CCDC134: variants seen among roughly 807,000 people sequenced by gnomAD.
The protein encoded by CCDC134 is coiled-coil domain-containing protein 134.
A neutral mutation model predicts 25.6 loss-of-function variants in CCDC134; 27 were observed. The ratio of observed to expected loss-of-function variants is 1.05; its 90% CI spans 0.78 to 1.45. The LOEUF (loss-of-function observed/expected upper bound fraction) is 1.45. CCDC134 is among the 40% of genes most tolerant of loss of function. The pLI, the probability that CCDC134 is intolerant of heterozygous loss-of-function variation, is 0.00. For synonymous variants in CCDC134, 110 were observed against 115.0 expected (o/e 0.96, Z 0.28); for missense variants, 261 against 286.7 (o/e 0.91, Z 0.65).
chr22:41,801,547 C>A (rs557200282), intron 1 of CCDC134, among the ~76,000 whole-genome samples: 1 of 152,250 alleles, frequency 6.6e-6, no homozygotes, highest in African/African-American at 2.4e-5. Context: ...GCCTTGATTT[C>A]ACATTGGTAA....
intron 6 of CCDC134, among the ~76,000 whole-genome samples, chr22:41,818,657 C>T (rs911078420): frequency 3.3e-5 from 5 of 152,170 alleles, no homozygotes; most frequent in African/African-American, 7.2e-5. Context: ...GTGGCAGAGT[C>T]GGGGATGCTG....
At position 41,813,289 on chromosome 22, in the gene CCDC134, G is replaced by A; in HGVS notation, c.336G>A (p.Thr112=). The change falls in exon 5 of 7, where the codon ACG becomes ACA. Residue 112 remains threonine, a synonymous_variant. Transcript: ENST00000255784. ...KDAFSHVVEN[T]AFFGDVVLRF... is the part of the protein sequence containing the mutation. Reference sequence around the variant, plus strand: ...CTTTCTCCCACGTGGTGGAGAACACGGCCTTCTTCGGCGATGTGGTGCTGC... The same window carrying A: ...CTTTCTCCCACGTGGTGGAGAACACAGCCTTCTTCGGCGATGTGGTGCTGC... The A allele has an allele frequency of 1.9e-6, 3 of 1,614,212 alleles. No homozygotes were observed. Among genetic ancestry groups the A allele is most frequent in the East Asian group, 2.2e-5 (1 of 44,878 alleles).
At chr22:41,802,943 TAAATA>T (rs1302792743) in intron 1 of CCDC134, among the ~76,000 whole-genome samples, 7 of 149,412 alleles carry the variant, frequency 4.7e-5, no homozygotes, top group Non-Finnish European at 7.4e-5. Flanking sequence ...AAATAAAAAA[TAAATA>T]AAATAAAATA....
At position 41,825,549 on chromosome 22, in the gene CCDC134, G is replaced by A. The variant is rs755917390; in HGVS notation, c.565-149G>A. 5.9e-6 allele frequency: 6 copies of A among 1,010,300 alleles called. No homozygotes were observed. The highest frequency in any genetic ancestry group is 8.7e-6 in the Non-Finnish European group (6 of 692,660). The allele number at this position is 1,010,300 out of a possible 1,614,324, so 62.6% of individuals were successfully genotyped here. A position where few individuals can be genotyped will look rare whatever the true frequency, so the allele number is the denominator to read the frequency against. On this transcript the variant is annotated intron_variant, in intron 6 of 6. Transcript: ENST00000255784. The surrounding 1 kb of genome is among the most constrained non-coding windows in gnomAD (Gnocchi z 4.4). ...CTTATCTTCCAACACCCACTCAGCA[G>A]TTCTCCCAAACCCATTTCCTGTCTC...
rs1260938471 is a variant in CCDC134, at chr22:41,809,873, G to A, written c.104-6G>A. 1.2e-6 allele frequency: 2 copies of A among 1,614,052 alleles called. No individual in the cohort carries two copies. The highest frequency in any genetic ancestry group is 1.3e-5 in the African/African-American group (1 of 74,918). On this transcript the variant is annotated splice_region_variant and splice_polypyrimidine_tract_variant and intron_variant, in intron 2 of 6. Coordinates refer to ENST00000255784, the MANE Select transcript of CCDC134 (RefSeq NM_024821.5). ...GATGCCAGCCCCTTAACTTAATTCT[G>A]CCCAGACAAGAAGATGTTTGAGGTG...
rs1210976284 is a variant in CCDC134, at chr22:41,825,194, G to GGA, written c.565-496_565-495dup. Among the ~76,000 whole-genome samples, 1 of 152,050 alleles carries GGA rather than the reference G, an allele frequency of 6.6e-6. No individual in the cohort carries two copies. Among genetic ancestry groups the GGA allele is most frequent in the Non-Finnish European group, 1.5e-5 (1 of 67,988 alleles). ...AGCTATGAGTTAGACGAGACAATCTGGAGAGAGAGGAGGGAGGACAGCCAA... is the reference window on the plus strand; with the variant it reads ...AGCTATGAGTTAGACGAGACAATCTGGAGAGAGAGAGGAGGGAGGACAGCCAA... On this transcript the variant is annotated intron_variant, in intron 6 of 6. Transcript: ENST00000255784. This position sits in a 1 kb window ranked among gnomAD's most constrained non-coding sequence, Gnocchi z 4.4.
chr22:41,801,559 A>G (rs1602231246), intron 1 of CCDC134, among the ~76,000 whole-genome samples: 1 of 152,082 alleles, frequency 6.6e-6, no homozygotes, highest in Admixed American at 6.6e-5. Context: ...CATTGGTAAC[A>G]TTGGGGAGTT....
At chr22:41,813,584 A>G (rs1270467428) in intron 5 of CCDC134, 139 bp downstream of exon 5, 7 of 1,221,516 alleles carry the variant, frequency 5.7e-6, no homozygotes, top group African/African-American at 1.5e-5. Flanking sequence ...CTTGGGCCAC[A>G]GAGGCCCCAT....
intron 1 of CCDC134, among the ~76,000 whole-genome samples, chr22:41,805,100 T>C (rs1385098211): frequency 6.6e-6 from 1 of 151,982 alleles, no homozygotes; most frequent in African/African-American, 2.4e-5. Flanking sequence ...GAGCAAAGTC[T>C]TACTGGACTT....
intron 6 of CCDC134, among the ~76,000 whole-genome samples, chr22:41,816,312 G>T (rs1569356820): frequency 6.6e-6 from 1 of 152,258 alleles, no homozygotes; most frequent in Admixed American, 6.5e-5. Flanking sequence ...AGGCTACTCA[G>T]ACATCAGGAA....
intron 2 of CCDC134, among the ~76,000 whole-genome samples, chr22:41,809,664 C>T (rs886239124): frequency 1.3e-5 from 2 of 152,152 alleles, no homozygotes; most frequent in Admixed American, 1.3e-4. Flanking sequence ...GGCTTGGTTT[C>T]AGGCTTCTGG....
At chr22:41,815,532 A>G (rs966874652) in intron 6 of CCDC134, among the ~76,000 whole-genome samples, 1 of 152,096 alleles carries the variant, frequency 6.6e-6, no homozygotes, top group Non-Finnish European at 1.5e-5. Context: ...CGAATGTGCT[A>G]TTCAGTCTGA....
rs2076675621 is a variant in CCDC134, at chr22:41,825,902, G to A, written c.*79G>A. ...AAGAGGTGGAGGTGTGGTTGTGGTG[G>A]AGAGCACCAGCTAGCCCCTTCCAGA... On this transcript the variant is annotated 3_prime_UTR_variant, in exon 7 of 7. Coordinates refer to ENST00000255784, the MANE Select transcript of CCDC134 (RefSeq NM_024821.5). The surrounding 1 kb of genome is among the most constrained non-coding windows in gnomAD (Gnocchi z 4.4). The A allele has an allele frequency of 6.3e-7, 1 of 1,578,182 alleles. No individual in the cohort carries two copies. Among genetic ancestry groups the A allele is most frequent in the African/African-American group, 1.4e-5 (1 of 73,976 alleles).
rs567774354 is a variant in CCDC134 at position 41,828,063 on chromosome 22, G to A, written c.*2240G>A. 1.5e-3 allele frequency among the ~76,000 whole-genome samples: 236 copies of A among 152,298 alleles called. No individual in the cohort carries two copies. The highest frequency in any genetic ancestry group is 3.1e-3 in the Non-Finnish European group (209 of 68,020). ...GACAGTCAGTGGTGGGTCCAGCTTC[G>A]GCTGGAGGTTCTTTCTACTGAATAA... On this transcript the variant is annotated 3_prime_UTR_variant, in exon 7 of 7. Transcript: ENST00000255784.
intron 2 of CCDC134, among the ~76,000 whole-genome samples, chr22:41,809,385 A>G (rs998242967): frequency 6.6e-6 from 1 of 152,204 alleles, no homozygotes; most frequent in Non-Finnish European, 1.5e-5. Flanking sequence ...TGAGGTGTCC[A>G]TAAGCCCAGG....
At position 41,828,303 on chromosome 22, in the gene CCDC134, T is replaced by C. The variant is rs751752002; in HGVS notation, c.*2480T>C. On this transcript the variant is annotated 3_prime_UTR_variant, in exon 7 of 7. Transcript: ENST00000255784. ...TCAGAATGCCCAGTGGTTGAAAGGATGAAACCTGGAATTTAAGTGACTTCT... is the reference window on the plus strand; with the variant it reads ...TCAGAATGCCCAGTGGTTGAAAGGACGAAACCTGGAATTTAAGTGACTTCT... Among the ~76,000 whole-genome samples, 11 of 152,148 alleles carry C rather than the reference T, an allele frequency of 7.2e-5. No individual in the cohort carries two copies. Among genetic ancestry groups the C allele is most frequent in the Admixed American group, 5.9e-4 (9 of 15,270 alleles).
intron 6 of CCDC134, among the ~76,000 whole-genome samples, chr22:41,819,364 A>G (rs2076637945): frequency 6.6e-6 from 1 of 152,188 alleles, no homozygotes; most frequent in Non-Finnish European, 1.5e-5. Context: ...AAGAAGCATA[A>G]TTCTCTGAGG....
Position 41,828,352 on chromosome 22 carries a change from C to T in CCDC134, c.*2529C>T, listed in dbSNP as rs1057309932. ...CTCAGTGATGTGTGCCCTTCTCTGACGGTTCCTTGTTCATCCCATGTATTT... is the reference window on the plus strand; with the variant it reads ...CTCAGTGATGTGTGCCCTTCTCTGATGGTTCCTTGTTCATCCCATGTATTT... On this transcript the variant is annotated 3_prime_UTR_variant, in exon 7 of 7. Transcript: ENST00000255784. Among the ~76,000 whole-genome samples, 4 of 152,174 alleles carry T rather than the reference C, an allele frequency of 2.6e-5. No homozygotes were observed. Among genetic ancestry groups the T allele is most frequent in the East Asian group, 1.9e-4 (1 of 5,202 alleles).
Position 41,830,188 on chromosome 22 carries a change from G to A in CCDC134, c.*4365G>A, listed in dbSNP as rs746581784. Reference sequence around the variant, plus strand: ...AGCCAGAGCAAGGTACCACCTGGAAGAGATGTTCAGTTACATGGGATCCAG... The same window carrying A: ...AGCCAGAGCAAGGTACCACCTGGAAAAGATGTTCAGTTACATGGGATCCAG... On this transcript the variant is annotated 3_prime_UTR_variant, in exon 7 of 7. Coordinates refer to ENST00000255784, the MANE Select transcript of CCDC134 (RefSeq NM_024821.5). Among the ~76,000 whole-genome samples, 7 of 152,236 alleles carry A rather than the reference G, an allele frequency of 4.6e-5. No homozygotes were observed. The highest frequency in any genetic ancestry group is 1.9e-4 in the East Asian group (1 of 5,204).
Sources: allele counts gnomAD v4.1 joint callset (sites outside exome capture counted in the v4.1 genomes callset), GRCh38; gene constraint gnomAD v4.1.1; non-coding constraint Gnocchi (gnomAD v3.1); transcripts MANE v1.5; gene names NCBI Gene and HGNC (gene_info 2026-07-23, HGNC 2026-07-21).